The following ZSWIM6 variants were observed in gnomAD, a reference collection of about 807,000 sequenced individuals.
ZSWIM6 encodes the protein zinc finger SWIM-type containing 6.
A neutral mutation model predicts 113.2 loss-of-function variants in ZSWIM6; 9 were observed. That is an observed-to-expected ratio of 0.08 (90% confidence interval 0.05 to 0.14). ZSWIM6 has a LOEUF of 0.14. ZSWIM6 is among the 10% of genes least tolerant of loss of function. ZSWIM6 has a pLI of 1.00. For synonymous variants in ZSWIM6, 611 were observed against 606.5 expected, an observed-to-expected ratio of 1.01 and a Z score of -0.11; for missense variants, 1,162 against 1,552.2, an observed-to-expected ratio of 0.75 and a Z score of 4.22.
chr5:61,431,132 G>A (rs926350002), intron 1 of ZSWIM6, among the ~76,000 whole-genome samples: 3 of 152,076 alleles, frequency 2.0e-5, no homozygotes, highest in Admixed American at 6.5e-5. Context: ...AGCACTTTGG[G>A]AGGCCGAGGT....
chr5:61,525,668 AC>A (rs1749254386), intron 5 of ZSWIM6, 131 bp from the exon 6 acceptor site: 1 of 1,026,726 alleles, frequency 9.7e-7, no homozygotes, highest in Admixed American at 2.4e-5. Context: ...TTCACCCTTC[AC>A]CCTTCTGCTT....
chr5:61,478,990 G>T (rs1747784181), intron 2 of ZSWIM6, among the ~76,000 whole-genome samples: 1 of 152,032 alleles, frequency 6.6e-6, no homozygotes, highest in Non-Finnish European at 1.5e-5. Flanking sequence ...GGCCAACATG[G>T]TGAAACCCTG....
chr5:61,460,392 G>A (rs1216709248), intron 1 of ZSWIM6, among the ~76,000 whole-genome samples: 1 of 152,070 alleles, frequency 6.6e-6, no homozygotes, highest in Non-Finnish European at 1.5e-5. Context: ...GTTACTGTAT[G>A]AGTTCTTACA....
At chr5:61,425,775 C>G (rs930450894) in intron 1 of ZSWIM6, among the ~76,000 whole-genome samples, 6 of 152,166 alleles carry the variant, frequency 3.9e-5, no homozygotes, top group African/African-American at 1.4e-4. Context: ...TGTGCAAAAG[C>G]ACTGGGCTTA....
chr5:61,356,700 T>TA (rs1744915480), intron 1 of ZSWIM6, among the ~76,000 whole-genome samples: 2 of 131,798 alleles, frequency 1.5e-5, no homozygotes, highest in Non-Finnish European at 3.1e-5. Flanking sequence ...TATACATATT[T>TA]TATATATATA....
intron 1 of ZSWIM6, among the ~76,000 whole-genome samples, chr5:61,441,252 T>C (rs1746827915): frequency 6.6e-6 from 1 of 152,176 alleles, no homozygotes; most frequent in Admixed American, 6.5e-5. Flanking sequence ...TTCCTTTTTT[T>C]CTCTCAGCCA....
chr5:61,403,726 A>G (rs561536985), intron 1 of ZSWIM6, among the ~76,000 whole-genome samples: 28 of 152,288 alleles, frequency 1.8e-4, no homozygotes, highest in African/African-American at 5.3e-4. Flanking sequence ...GTATGCTTAG[A>G]CTCTGCGTGT....
At chr5:61,495,736 A>G (rs939682294) in intron 4 of ZSWIM6, among the ~76,000 whole-genome samples, 1 of 152,212 alleles carries the variant, frequency 6.6e-6, no homozygotes, top group Non-Finnish European at 1.5e-5. Flanking sequence ...ATAAAATCCT[A>G]AATGTTTTAC....
chr5:61,433,339 G>C (rs532657206), intron 1 of ZSWIM6, among the ~76,000 whole-genome samples: 7 of 152,012 alleles, frequency 4.6e-5, no homozygotes, highest in Non-Finnish European at 1.0e-4. Context: ...GAAGGCATGC[G>C]GTGTGGCATT....
chr5:61,501,817 A>G (rs531647292), intron 4 of ZSWIM6, among the ~76,000 whole-genome samples: 1 of 152,332 alleles, frequency 6.6e-6, no homozygotes, highest in South Asian at 2.1e-4. Context: ...TTGGTAGTAG[A>G]TACTCTTCTC....
chr5:61,444,104 C>T lies in ZSWIM6; in HGVS notation c.677-28577C>T, dbSNP rs1233017010. 4.4e-5 allele frequency among the ~76,000 whole-genome samples: 5 copies of T among 114,284 alleles called. No homozygotes were observed. The East Asian group carries it at 9.9e-4, about 23-fold the overall frequency. The allele number at this position is 114,284 out of a possible 152,430, so 75.0% of individuals were successfully genotyped here. A position where few individuals can be genotyped will look rare whatever the true frequency, so the allele number is the denominator to read the frequency against. Reference sequence around the variant, plus strand: ...TAATGCTATCCCTCCCCCCTCCCCCCACCCCACAACAGTCCCCAGCATGTG... The same window carrying T: ...TAATGCTATCCCTCCCCCCTCCCCCTACCCCACAACAGTCCCCAGCATGTG... On this transcript the variant is annotated intron_variant, in intron 1 of 13. Transcript: ENST00000252744.
intron 2 of ZSWIM6, among the ~76,000 whole-genome samples, chr5:61,483,764 C>A (rs1747942061): frequency 6.6e-6 from 1 of 150,928 alleles, no homozygotes; most frequent in Non-Finnish European, 1.5e-5. Flanking sequence ...GTAGTCCCAG[C>A]TACTTGGGAG....
At chr5:61,511,650 A>G (rs1320356869) in intron 4 of ZSWIM6, among the ~76,000 whole-genome samples, 3 of 152,150 alleles carry the variant, frequency 2.0e-5, no homozygotes, top group African/African-American at 2.4e-5. Flanking sequence ...GGTGCCATCT[A>G]TGAGGGGCAT....
At chr5:61,338,862 C>A (rs2112023561) in intron 1 of ZSWIM6, among the ~76,000 whole-genome samples, 1 of 152,218 alleles carries the variant, frequency 6.6e-6, no homozygotes, top group African/African-American at 2.4e-5. Context: ...CTGATGCCTG[C>A]CTTTTTAGAA....
chr5:61,543,575 A>G lies in ZSWIM6; in HGVS notation c.2906A>G (p.Asp969Gly). Residue 969 changes from aspartate to glycine, a missense_variant, in exon 14 of 14, where the codon GAC becomes GGC. Physicochemically the swap from Asp to Gly is moderately conservative, Grantham distance 94 (BLOSUM62 -1). Around this residue, in one of 4 missense-constraint regions of ZSWIM6, gnomAD observed 620 missense variants for 804.6 expected, o/e 0.77. Coordinates refer to ENST00000252744, the MANE Select transcript of ZSWIM6 (RefSeq NM_020928.2). The surrounding 1 kb of genome is among the most constrained non-coding windows in gnomAD (Gnocchi z 4.3). ...AGCACCATCGTCCGCCTCCACCTGG[A>G]CTGCCACCAGCAGGAAAAGCTGGCC... is the stretch of plus-strand genomic sequence containing the variant. ...SNSTIVRLHLDCHQQEKLASS... is the reference protein window; with the variant it reads ...SNSTIVRLHLGCHQQEKLASS... 1 of 1,551,724 alleles carries G rather than the reference A, an allele frequency of 6.4e-7. No homozygotes were observed. The highest frequency in any genetic ancestry group is 1.2e-5 in the South Asian group (1 of 84,056).
intron 1 of ZSWIM6, among the ~76,000 whole-genome samples, chr5:61,348,829 C>A (rs1326273329): frequency 6.6e-6 from 1 of 152,100 alleles, no homozygotes; most frequent in Non-Finnish European, 1.5e-5. Flanking sequence ...GGCTTCCTTT[C>A]TAGATTGAGG....
At position 61,428,553 on chromosome 5, in the gene ZSWIM6, T is replaced by TA. The variant is rs398039830; in HGVS notation, c.677-44127dup. On this transcript the variant is annotated intron_variant, in intron 1 of 13. Transcript: ENST00000252744. Reference sequence around the variant, plus strand: ...AACTTAAAACAATTTTTTTTTTTTTTATAGACAGGGTCTGGCTATGTTGAT... The same window carrying TA: ...AACTTAAAACAATTTTTTTTTTTTTTAATAGACAGGGTCTGGCTATGTTGAT... Among the ~76,000 whole-genome samples, 109 of 151,774 alleles carry TA rather than the reference T, an allele frequency of 7.2e-4. No individual in the cohort carries two copies. In the Middle Eastern group the frequency reaches 0.01, roughly 14 times the overall value.
chr5:61,516,159 A>G (rs1292274529), intron 4 of ZSWIM6, among the ~76,000 whole-genome samples: 2 of 151,592 alleles, frequency 1.3e-5, no homozygotes, highest in Non-Finnish European at 2.9e-5. Context: ...TATATTTTAT[A>G]TAATTATTGA....
At position 61,526,401 on chromosome 5, in the gene ZSWIM6, A is replaced by G. The variant is rs760717798; in HGVS notation, c.1837+5A>G. ...TGTTCCGAACCCAAAAAAAAGGTGAATGTGAAGGAGTTTGTTTCCATTGGA... is the reference window on the plus strand; with the variant it reads ...TGTTCCGAACCCAAAAAAAAGGTGAGTGTGAAGGAGTTTGTTTCCATTGGA... On this transcript the variant is annotated splice_donor_5th_base_variant and intron_variant, in intron 7 of 13. Transcript: ENST00000252744. 3.6e-5 allele frequency: 56 copies of G among 1,551,866 alleles called. No individual in the cohort carries two copies. Among genetic ancestry groups the G allele is most frequent in the Non-Finnish European group, 1.7e-5 (20 of 1,146,988 alleles).
Sources: allele counts gnomAD v4.1 joint callset (sites outside exome capture counted in the v4.1 genomes callset), GRCh38; gene constraint gnomAD v4.1.1; regional missense constraint gnomAD v4.1.1; non-coding constraint Gnocchi (gnomAD v3.1); transcripts MANE v1.5; gene names NCBI Gene and HGNC (gene_info 2026-07-23, HGNC 2026-07-21).